LUZP1: variants seen among roughly 807,000 people sequenced by gnomAD.
The protein encoded by LUZP1 is leucine zipper protein 1, also known as filamin mechanobinding actin cross-linking protein.
Under a neutral mutation model 71.3 loss-of-function variants are expected in LUZP1, and 25 were observed. The ratio of observed to expected loss-of-function variants is 0.35; its 90% CI spans 0.26 to 0.49. LUZP1 has a LOEUF of 0.49. Ranked by LOEUF, LUZP1 falls within the 20% of genes least tolerant of loss-of-function variation. The probability of loss-of-function intolerance (pLI) is 0.99; values close to 1 mark genes in which losing one functional copy is unlikely to be tolerated. For synonymous variants in LUZP1, 481 were observed against 506.4 expected, an observed-to-expected ratio of 0.95 and a Z score of 0.67; for missense variants, 1,142 against 1,300.8, an observed-to-expected ratio of 0.88 and a Z score of 1.88.
At position 23,136,896 on chromosome 1, in the gene LUZP1, C is replaced by A. The variant is rs187778511; in HGVS notation, c.-225-27769G>T. Among the ~76,000 whole-genome samples, 386 of 152,250 alleles carry A rather than the reference C, an allele frequency of 2.5e-3. 4 individuals are homozygous for A. Among genetic ancestry groups the A allele is most frequent in the African/African-American group, 8.6e-3 (356 of 41,552 alleles). On this transcript the variant is annotated intron_variant, in intron 2 of 4. Coordinates refer to ENST00000302291, the Ensembl canonical transcript of LUZP1. Reference sequence around the variant, plus strand: ...TCGTGCCACTGCACTCCAGCCTGGGCGACAGAGCAAGACTCCATCTCAAAA... The same window carrying A: ...TCGTGCCACTGCACTCCAGCCTGGGAGACAGAGCAAGACTCCATCTCAAAA...
chr1:23,172,689 A>AT (rs1644559252), intron 1 of LUZP1, among the ~76,000 whole-genome samples: 1 of 151,448 alleles, frequency 6.6e-6, no homozygotes, highest in Non-Finnish European at 1.5e-5. Flanking sequence ...TAATTTTTGT[A>AT]TTTTTAGTAG....
At position 23,093,933 on chromosome 1, in the gene LUZP1, A is replaced by G. The variant is rs1437416104; in HGVS notation, c.329T>C (p.Ile110Thr). ...AGCCATTCGTTTCTGAAGCCGCTCA[A>G]TCTCAGATTTCAGCTCCCGGGTGAG... The change falls in exon 4 of 5, where the codon ATT becomes ACT. Residue 110 changes from isoleucine (I) to threonine (T), a missense_variant. Ile to Thr is a moderately conservative substitution (Grantham distance 89). Coordinates refer to ENST00000302291, the Ensembl canonical transcript of LUZP1. The surrounding 1 kb of genome is among the most constrained non-coding windows in gnomAD (Gnocchi z 4.2). 57 of 1,613,996 alleles carry G rather than the reference A, an allele frequency of 3.5e-5. No homozygotes were observed. The highest frequency in any genetic ancestry group is 4.7e-5 in the Non-Finnish European group (55 of 1,180,006).
At chr1:23,165,357 A>C (rs2148213740) in intron 2 of LUZP1, among the ~76,000 whole-genome samples, 1 of 149,516 alleles carries the variant, frequency 6.7e-6, no homozygotes, top group East Asian at 2.0e-4. Flanking sequence ...ACCTCAATAA[A>C]GCTTTTTTTT....
chr1:23,091,903 G>A (rs770442161), exon 4 of LUZP1: 4 of 1,614,050 alleles, frequency 2.5e-6, no homozygotes, highest in South Asian at 1.1e-5. Context: ...TTTGGCCCTG[G>A]TTTGGAGACG....
chr1:23,107,047 G>A (rs1384655946), intron 3 of LUZP1, among the ~76,000 whole-genome samples: 3 of 152,192 alleles, frequency 2.0e-5, no homozygotes, highest in African/African-American at 7.2e-5. Context: ...CTCCTTATGG[G>A]TCCTTATACA....
At chr1:23,103,878 GGGAGAGAGGGAGAGAGGGAGGGA>G (rs1557641226) in intron 3 of LUZP1, among the ~76,000 whole-genome samples, 257 of 10,962 alleles carry the variant, frequency 0.023, no homozygotes, top group Non-Finnish European at 0.036. Context: ...GAGGGAGGGA[GGGAGAGAGGGAGAGAGGGAGGGA>G]GGGGGGAAGG....
At chr1:23,088,883 C>T (rs1488603924) in exon 5 of LUZP1, 2 of 1,612,512 alleles carry the variant, frequency 1.2e-6, no homozygotes, top group African/African-American at 1.3e-5. Context: ...AGACAACAGA[C>T]ACCCAGCGGG....
chr1:23,149,884 C>T (rs1452899815), intron 2 of LUZP1, among the ~76,000 whole-genome samples: 3 of 146,574 alleles, frequency 2.0e-5, no homozygotes, highest in Non-Finnish European at 3.0e-5. Context: ...ATTGCTTGAA[C>T]CCGGGAAGCG....
chr1:23,149,994 TAAAAGAAGA>T (rs895069722), intron 2 of LUZP1, among the ~76,000 whole-genome samples: 7 of 131,988 alleles, frequency 5.3e-5, no homozygotes, highest in Admixed American at 1.5e-4. Flanking sequence ...AGTTTAGAAG[TAAAAGAAGA>T]AAAAGATGGC....
chr1:23,176,062 CTTTT>C (rs57669214), intron 1 of LUZP1, among the ~76,000 whole-genome samples: 1 of 129,850 alleles, frequency 7.7e-6, no homozygotes, highest in Non-Finnish European at 1.6e-5. Flanking sequence ...ACTTCCTTGA[CTTTT>C]TTTTTTTTTT....
chr1:23,160,589 GC>G (rs1374921323), intron 2 of LUZP1, among the ~76,000 whole-genome samples: 1 of 152,130 alleles, frequency 6.6e-6, no homozygotes, highest in South Asian at 2.1e-4. Context: ...AAAATACTAA[GC>G]AGGATTCTAA....
intron 2 of LUZP1, among the ~76,000 whole-genome samples, chr1:23,146,238 G>C (rs565126585): frequency 9.2e-5 from 14 of 152,082 alleles, no homozygotes; most frequent in Non-Finnish European, 1.9e-4. Flanking sequence ...GGATGGTCTC[G>C]ATCTCTTGAC....
intron 1 of LUZP1, among the ~76,000 whole-genome samples, chr1:23,175,675 T>C (rs1220427213): frequency 6.6e-6 from 1 of 152,182 alleles, no homozygotes; most frequent in Non-Finnish European, 1.5e-5. Context: ...AATGGCTGAG[T>C]GCCTAACATG....
At chr1:23,087,500 C>T (rs958178693) in exon 5 of LUZP1, 13 of 152,540 alleles carry the variant, frequency 8.5e-5, no homozygotes, top group African/African-American at 1.4e-4. Context: ...CAAGGTCACA[C>T]AGCAAGGAAG....
intron 1 of LUZP1, among the ~76,000 whole-genome samples, chr1:23,172,958 G>A (rs1236358688): frequency 2.0e-5 from 3 of 151,682 alleles, no homozygotes; most frequent in African/African-American, 7.3e-5. Context: ...GAGTAGCTGG[G>A]ATTACAGGCC....
chr1:23,120,898 A>G (rs1243478602), intron 2 of LUZP1, among the ~76,000 whole-genome samples: 2 of 152,290 alleles, frequency 1.3e-5, no homozygotes, highest in African/African-American at 2.4e-5. Context: ...GAACACCACC[A>G]TCTCCACTCC....
exon 5 of LUZP1, chr1:23,087,865 C>T (rs367783198): frequency 1.3e-5 from 2 of 152,796 alleles, no homozygotes; most frequent in African/African-American, 4.8e-5. Context: ...TGTAGGAATG[C>T]ATCAGCTTGG....
chr1:23,168,001 C>A (rs1644524074), intron 2 of LUZP1, among the ~76,000 whole-genome samples: 1 of 151,474 alleles, frequency 6.6e-6, no homozygotes, highest in African/African-American at 2.4e-5. Context: ...GCAGATTCCA[C>A]CATTAATTAG....
At chr1:23,101,934 A>G (rs1332090459) in intron 3 of LUZP1, among the ~76,000 whole-genome samples, 12 of 152,188 alleles carry the variant, frequency 7.9e-5, no homozygotes, top group Non-Finnish European at 4.4e-5. Flanking sequence ...TTAAGGAATC[A>G]TACAGATATA....
Sources: gnomAD v4.1 joint callset for allele counts (sites outside exome capture counted in the v4.1 genomes callset) on GRCh38, gnomAD v4.1.1 for gene constraint, Gnocchi (gnomAD v3.1) non-coding constraint, MANE v1.5 for transcripts, NCBI Gene and HGNC (gene_info 2026-07-23, HGNC 2026-07-21) for gene names.